The following SLC17A4 variants were observed in gnomAD, a reference collection of about 807,000 sequenced individuals.
SLC17A4 encodes solute carrier family 17 member 4, also known as probable small intestine urate exporter.
In SLC17A4, 33 loss-of-function variants were observed where a neutral mutation model predicts 52.5. The observed-to-expected ratio is 0.63, with a 90% CI of 0.48 to 0.84. The LOEUF is 0.84. Among genes scored for constraint, SLC17A4 ranks in the 40% least tolerant of loss-of-function variants. The pLI is 0.00. For synonymous variants in SLC17A4, 225 were observed against 216.2 expected, an observed-to-expected ratio of 1.04 and a Z score of -0.36; for missense variants, 585 against 597.1, an observed-to-expected ratio of 0.98 and a Z score of 0.21.
intron 6 of SLC17A4, among the ~76,000 whole-genome samples, chr6:25,772,091 A>G (rs1487522631): frequency 6.6e-6 from 1 of 152,232 alleles, no homozygotes; most frequent in Admixed American, 6.5e-5. Context: ...TCAGGTGAAT[A>G]TATTCACCAA....
intron 5 of SLC17A4, 93 bp downstream of exon 5, chr6:25,770,564 C>T: frequency 8.7e-7 from 1 of 1,150,988 alleles, no homozygotes; most frequent in Non-Finnish European, 1.3e-6. Context: ...ATATCAATCT[C>T]TGTGTCTTCA....
At position 25,770,455 on chromosome 6, in the gene SLC17A4, C is replaced by T; in HGVS notation, c.603C>T (p.Thr201=). The change falls in exon 5 of 12, where the codon ACC becomes ACT. Residue 201 remains threonine, a synonymous_variant. Transcript: ENST00000377905. ...CCCCACTGGAAAGGAGTCAACTCAC[C>T]ACCATTGCTGGATCAGGTAACTGGT... ...WAPPLERSQL[T]TIAGSGSMLG... The T allele has an allele frequency of 6.2e-7, 1 of 1,614,022 alleles. No individual in the cohort carries two copies. The highest frequency in any genetic ancestry group is 8.5e-7 in the Non-Finnish European group (1 of 1,179,922).
At chr6:25,769,341 C>T in intron 3 of SLC17A4, 151 bp downstream of exon 3, 1 of 750,328 alleles carries the variant, frequency 1.3e-6, no homozygotes, top group Non-Finnish European at 2.1e-6. Context: ...TCAGGCCGAG[C>T]ATGGTGGCTC....
At chr6:25,768,320 T>C (rs921593008) in intron 2 of SLC17A4, 5 of 966,528 alleles carry the variant, frequency 5.2e-6, no homozygotes, top group Middle Eastern at 5.2e-4. Context: ...ACATTACCTC[T>C]GGGATTTCTC....
intron 3 of SLC17A4, 22 bp downstream of exon 3, chr6:25,769,212 A>T (rs78843371): frequency 0.029 from 45,873 of 1,592,766 alleles, 1,345 homozygotes; most frequent in African/African-American, 0.15. Context: ...GAGACTCTGG[A>T]CTCTTTCTTT....
At chr6:25,767,189 A>C (rs1396844810) in intron 2 of SLC17A4, among the ~76,000 whole-genome samples, 1 of 152,174 alleles carries the variant, frequency 6.6e-6, no homozygotes, top group Non-Finnish European at 1.5e-5. Flanking sequence ...AAAAGAACAA[A>C]GCTAGTATAG....
chr6:25,777,991 C>T lies in SLC17A4; in HGVS notation c.1334C>T (p.Thr445Ile). The change falls in exon 11 of 12, where the codon ACT becomes ATT. Residue 445 changes from threonine to isoleucine, a missense_variant. Coordinates refer to ENST00000377905, the MANE Select transcript of SLC17A4 (RefSeq NM_005495.3). ...FAHIAGAISP[T>I]AAGFFISQDS... ...CACATAGCTGGAGCCATCTCTCCTA[C>T]TGCTGCTGGATTTTTCATCAGTCAG... 1 of 1,612,700 alleles carries T rather than the reference C, an allele frequency of 6.2e-7. No homozygotes were observed.
chr6:25,771,287 T>A (rs917219055), intron 6 of SLC17A4, among the ~76,000 whole-genome samples: 4 of 152,130 alleles, frequency 2.6e-5, no homozygotes, highest in African/African-American at 9.7e-5. Flanking sequence ...GAAAATACTA[T>A]CTTAGGCTAG....
chr6:25,777,066 G>A, intron 10 of SLC17A4, 107 bp downstream of exon 10: 1 of 1,236,108 alleles, frequency 8.1e-7, no homozygotes, highest in Non-Finnish European at 1.1e-6. Context: ...CAGGTTGCAG[G>A]AAATGTCAGC....
At chr6:25,757,531 A>G (rs1761125071) in intron 1 of SLC17A4, among the ~76,000 whole-genome samples, 1 of 152,002 alleles carries the variant, frequency 6.6e-6, no homozygotes, top group Non-Finnish European at 1.5e-5. Flanking sequence ...CTTGATCTAA[A>G]AGTATACCTT....
Position 25,780,332 on chromosome 6 carries a change from G to C in SLC17A4, c.*1144G>C, listed in dbSNP as rs1763235419. Reference sequence around the variant, plus strand: ...CACAAGTGAATATGTAATAACAACTGTAGAAATAATGAGTGGTTACATGGG... The same window carrying C: ...CACAAGTGAATATGTAATAACAACTCTAGAAATAATGAGTGGTTACATGGG... On this transcript the variant is annotated 3_prime_UTR_variant, in exon 12 of 12. Transcript: ENST00000377905. 1.3e-5 allele frequency: 2 copies of C among 152,218 alleles called. No homozygotes were observed. The highest frequency in any genetic ancestry group is 4.8e-5 in the African/African-American group (2 of 41,444). 9.4% of individuals were successfully genotyped at this position (152,218 alleles called of 1,614,324 possible). A position where few individuals can be genotyped will look rare whatever the true frequency, so the allele number is the denominator to read the frequency against.
rs1353791693 is a variant in SLC17A4 at position 25,779,728 on chromosome 6, T to G, written c.*540T>G. 6.6e-6 allele frequency: 1 copy of G among 152,220 alleles called. No homozygotes were observed. Among genetic ancestry groups the G allele is most frequent in the Non-Finnish European group, 1.5e-5 (1 of 68,066 alleles). The allele number at this position is 152,220 out of a possible 1,614,324, so 9.4% of individuals were successfully genotyped here. On this transcript the variant is annotated 3_prime_UTR_variant, in exon 12 of 12. Coordinates refer to ENST00000377905, the MANE Select transcript of SLC17A4 (RefSeq NM_005495.3). ...TTTAACTCTTTCAGACAACTTGCAT[T>G]CTGTGGATGCCAGCTTTGGAATCAG...
intron 11 of SLC17A4, among the ~76,000 whole-genome samples, chr6:25,778,387 A>G (rs1196525108): frequency 6.6e-6 from 1 of 152,010 alleles, no homozygotes; most frequent in Non-Finnish European, 1.5e-5. Flanking sequence ...ACAAAGAAAG[A>G]GTATTCTTTA....
At chr6:25,755,082 C>T (rs1402852551) in intron 1 of SLC17A4, among the ~76,000 whole-genome samples, 4 of 144,030 alleles carry the variant, frequency 2.8e-5, no homozygotes, top group African/African-American at 1.0e-4. Context: ...CACACACACA[C>T]AGAGGAAGAA....
chr6:25,768,991 G>A lies in SLC17A4; in HGVS notation c.98G>A (p.Cys33Tyr). 1.2e-6 allele frequency: 2 copies of A among 1,613,882 alleles called. No homozygotes were observed. The highest frequency in any genetic ancestry group is 2.2e-5 in the East Asian group (1 of 44,864). ...CATGCCCTTTTCCTCTCAGGTTTTT[G>A]TTCAGTCCGACATGGGCTGGCCCTC... The part of the protein sequence containing the change: ...AQEECSRKGF[C>Y]SVRHGLALIL... Residue 33 changes from cysteine (C) to tyrosine (Y), a missense_variant, in exon 3 of 12, where the codon TGT becomes TAT. Cys to Tyr is a radical substitution (Grantham distance 194). Transcript: ENST00000377905.
Position 25,779,298 on chromosome 6 carries a change from C to G in SLC17A4, c.*110C>G. 7.0e-7 allele frequency: 1 copy of G among 1,422,970 alleles called. No individual in the cohort carries two copies. Among genetic ancestry groups the G allele is most frequent in the Non-Finnish European group, 9.5e-7 (1 of 1,052,332 alleles). 88.1% of individuals were successfully genotyped at this position (1,422,970 alleles called of 1,614,324 possible). A position where few individuals can be genotyped will look rare whatever the true frequency, so the allele number is the denominator to read the frequency against. On this transcript the variant is annotated 3_prime_UTR_variant, in exon 12 of 12. Coordinates refer to ENST00000377905, the MANE Select transcript of SLC17A4 (RefSeq NM_005495.3). The stretch of plus-strand genomic sequence containing the variant: ...TGATAAGCCATTAGCTAGACCCTGA[C>G]TATGTAACGCTAAAGATTTTACCAT...
In SLC17A4 at chr6:25,771,134, A is replaced by C. The variant is rs539372774; in HGVS notation, c.706+122A>C. On this transcript the variant is annotated intron_variant, in intron 6 of 11. Transcript: ENST00000377905. Reference sequence around the variant, plus strand: ...CATAGCTAAAGCTGGTAGTGTTCAGAGCCAACTACATTTAACATTTAAGTT... The same window carrying C: ...CATAGCTAAAGCTGGTAGTGTTCAGCGCCAACTACATTTAACATTTAAGTT... 2.6e-4 allele frequency: 204 copies of C among 779,512 alleles called. 1 individual carries two copies. The highest frequency in any genetic ancestry group is 2.5e-3 in the Middle Eastern group (8 of 3,212). 48.3% of individuals were successfully genotyped at this position (779,512 alleles called of 1,614,324 possible). A position where few individuals can be genotyped will look rare whatever the true frequency, so the allele number is the denominator to read the frequency against.
intron 3 of SLC17A4, 59 bp downstream of exon 3, chr6:25,769,249 T>C: frequency 6.9e-7 from 1 of 1,452,458 alleles, no homozygotes; most frequent in South Asian, 1.2e-5. Context: ...CTTAAAGAGT[T>C]ATAAAAGAGT....
At chr6:25,755,528 G>T (rs942012550) in intron 1 of SLC17A4, among the ~76,000 whole-genome samples, 2 of 151,162 alleles carry the variant, frequency 1.3e-5, no homozygotes, top group African/African-American at 4.9e-5. Flanking sequence ...GAGGAACAGG[G>T]TGCATATGAA....
Sources: allele counts gnomAD v4.1 joint callset (sites outside exome capture counted in the v4.1 genomes callset), GRCh38; gene constraint gnomAD v4.1.1; transcripts MANE v1.5; gene names NCBI Gene and HGNC (gene_info 2026-07-23, HGNC 2026-07-21).